CPZ: variants seen among roughly 807,000 people sequenced by gnomAD.
CPZ encodes the protein carboxypeptidase Z.
Under a neutral mutation model 61.8 loss-of-function variants are expected in CPZ, and 103 were observed. The ratio of observed to expected loss-of-function variants is 1.67; its 90% CI spans 1.42 to 1.96. The LOEUF (loss-of-function observed/expected upper bound fraction) is 1.96, where lower values mean the gene tolerates loss of function less well. Among genes scored for constraint, CPZ ranks in the 30% most tolerant of loss-of-function variants. The pLI is 0.00. For synonymous variants in CPZ, 551 were observed against 373.7 expected (o/e 1.47, Z -5.47); for missense variants, 1,461 against 914.9 (o/e 1.60, Z -7.70).
Position 8,605,599 on chromosome 4 carries a change from C to CATCCATCCATCCATCCATCATTGATAT in CPZ, c.710-371_710-370insATTGATATATCCATCCATCCATCCATC, listed in dbSNP as rs1560294148. On this transcript the variant is annotated intron_variant, in intron 4 of 10. Coordinates refer to ENST00000360986, the MANE Select transcript of CPZ (RefSeq NM_001014447.3). ...TCCAGCCATCCAGCCAGCCATTATT[C>CATCCATCCATCCATCCATCATTGATAT]ATCCATCCATCCATCCATCCATCCA... is the stretch of plus-strand genomic sequence containing the variant. 3.7e-3 allele frequency among the ~76,000 whole-genome samples: 332 copies of CATCCATCCATCCATCCATCATTGATAT among 89,102 alleles called. 2 individuals carry two copies. The highest frequency in any genetic ancestry group is 0.027 in the Middle Eastern group (5 of 184). 58.5% of individuals were successfully genotyped at this position (89,102 alleles called of 152,430 possible).
At chr4:8,616,001 T>C (rs928166885) in intron 9 of CPZ, among the ~76,000 whole-genome samples, 7 of 152,218 alleles carry the variant, frequency 4.6e-5, no homozygotes, top group Non-Finnish European at 8.8e-5. Flanking sequence ...CCTGTGCACA[T>C]TGCATTTTGC....
intron 1 of CPZ, 93 bp from the exon 2 acceptor site, chr4:8,599,360 T>A: frequency 1.4e-6 from 2 of 1,444,836 alleles, no homozygotes; most frequent in South Asian, 2.9e-5. Flanking sequence ...CCTGGGCTGG[T>A]CCCTACCTGC....
intron 1 of CPZ, among the ~76,000 whole-genome samples, chr4:8,598,258 G>A (rs575277875): frequency 4.6e-5 from 7 of 152,224 alleles, no homozygotes; most frequent in Non-Finnish European, 7.3e-5. Context: ...GTCCCCAGTG[G>A]GGAAACCCAG....
chr4:8,618,634 G>T, intron 10 of CPZ, 106 bp downstream of exon 10: 2 of 1,074,578 alleles, frequency 1.9e-6, no homozygotes, highest in Non-Finnish European at 2.7e-6. Flanking sequence ...GCCCTCAGCA[G>T]GATGGCTCCA....
chr4:8,615,299 T>C (rs533882606), intron 9 of CPZ, among the ~76,000 whole-genome samples: 87 of 152,256 alleles, frequency 5.7e-4, no homozygotes, highest in African/African-American at 2.0e-3. Flanking sequence ...GAGTGGGGAC[T>C]CTGTGCCCAT....
chr4:8,608,952 G>T (rs187609931), intron 7 of CPZ, among the ~76,000 whole-genome samples: 1 of 144,814 alleles, frequency 6.9e-6, no homozygotes, highest in Non-Finnish European at 1.5e-5. Flanking sequence ...CTGGGCCACC[G>T]GCGCATTTGT....
At chr4:8,594,669 C>G (rs1215146739) in intron 1 of CPZ, among the ~76,000 whole-genome samples, 1 of 152,198 alleles carries the variant, frequency 6.6e-6, no homozygotes, top group East Asian at 1.9e-4. Context: ...CAGACCAGTG[C>G]TGTCCAACAG....
At chr4:8,612,559 G>C (rs1193390682) in intron 8 of CPZ, among the ~76,000 whole-genome samples, 1 of 152,212 alleles carries the variant, frequency 6.6e-6, no homozygotes, top group Non-Finnish European at 1.5e-5. Context: ...TCCAATGCGT[G>C]GGATATGCTT....
intron 9 of CPZ, chr4:8,618,022 C>A (rs1247612643): frequency 4.0e-6 from 1 of 251,602 alleles, no homozygotes; most frequent in African/African-American, 2.2e-5. Context: ...TCCTCGTCCT[C>A]TCCCATGCCC....
At position 8,612,092 on chromosome 4, in the gene CPZ, T is replaced by A; in HGVS notation, c.1293T>A (p.Asn431Lys). 6.2e-7 allele frequency: 1 copy of A among 1,612,982 alleles called. No homozygotes were observed. The highest frequency in any genetic ancestry group is 8.5e-7 in the Non-Finnish European group (1 of 1,179,760). Residue 431 changes from asparagine to lysine, a missense_variant, in exon 8 of 11, where the codon AAT becomes AAA. By Grantham distance (94) the Asn-to-Lys change is moderately conservative. Transcript: ENST00000360986. ...VHPMMMDRSE[N>K]RCGGNFLKRG... ...CCATGATGATGGACAGGTCGGAGAA[T>A]AGGTGTGGAGGCAATTTCCTGAAGA...
intron 7 of CPZ, among the ~76,000 whole-genome samples, chr4:8,609,853 G>T (rs1441409983): frequency 1.3e-5 from 2 of 152,216 alleles, no homozygotes; most frequent in African/African-American, 4.8e-5. Flanking sequence ...TCCCAGGAGA[G>T]GCCTGGGTTT....
At chr4:8,595,357 T>C (rs1051388515) in intron 1 of CPZ, among the ~76,000 whole-genome samples, 1 of 152,202 alleles carries the variant, frequency 6.6e-6, no homozygotes, top group Non-Finnish European at 1.5e-5. Context: ...GGGATGTCTG[T>C]GTCCCACGGT....
intron 8 of CPZ, among the ~76,000 whole-genome samples, chr4:8,613,637 TATC>T (rs1715905455): frequency 6.6e-6 from 1 of 152,210 alleles, no homozygotes; most frequent in South Asian, 2.1e-4. Flanking sequence ...CTGTGGGTGC[TATC>T]ATCCTAGGCC....
At chr4:8,593,767 C>T (rs2109307840) in intron 1 of CPZ, among the ~76,000 whole-genome samples, 2 of 152,244 alleles carry the variant, frequency 1.3e-5, no homozygotes, top group Middle Eastern at 3.4e-3. Context: ...GTGCCAGGAC[C>T]ACAATACCCC....
Position 8,605,353 on chromosome 4 carries a change from T to G in CPZ, c.710-636T>G, listed in dbSNP as rs188542930. 2.4e-3 allele frequency among the ~76,000 whole-genome samples: 327 copies of G among 135,184 alleles called. 3 individuals carry two copies. Among genetic ancestry groups the G allele is most frequent in the African/African-American group, 0.011 (310 of 29,142 alleles). 88.7% of individuals were successfully genotyped at this position (135,184 alleles called of 152,430 possible). On this transcript the variant is annotated intron_variant, in intron 4 of 10. Coordinates refer to ENST00000360986, the MANE Select transcript of CPZ (RefSeq NM_001014447.3). ...ATCCATCCATCCATCCATCCATTTA[T>G]TCATTCAGCCATTACACATCCATCC...
intron 1 of CPZ, chr4:8,597,537 C>G (rs917426370): frequency 2.0e-5 from 3 of 152,266 alleles, no homozygotes; most frequent in Admixed American, 1.3e-4. Context: ...CAGGGGGACT[C>G]AAGCTCCTCT....
chr4:8,600,096 AAGTCAATGACATATGTAAAATGTCT>A, intron 2 of CPZ: 1 of 152,338 alleles, frequency 6.6e-6, no homozygotes, highest in East Asian at 1.9e-4. Flanking sequence ...TCTGGGTACC[AAGTCAATGACATATGTAAAATGTCT>A]ATTTTATTTT....
rs1043614714 is a variant in CPZ, at chr4:8,600,893, G to A, written c.122-230G>A. ...GCCGAGGCTCAGGGCAGCCTGCTGCGGCTGGCTTGCTGGTGGGTAGTTGAA... is the reference window on the plus strand; with the variant it reads ...GCCGAGGCTCAGGGCAGCCTGCTGCAGCTGGCTTGCTGGTGGGTAGTTGAA... On this transcript the variant is annotated intron_variant, in intron 2 of 10. Coordinates refer to ENST00000360986, the MANE Select transcript of CPZ (RefSeq NM_001014447.3). 35 of 1,263,256 alleles carry A rather than the reference G, an allele frequency of 2.8e-5. No homozygotes were observed. In the African/African-American group the frequency reaches 3.7e-4, roughly 13 times the overall value. The allele number at this position is 1,263,256 out of a possible 1,614,324, so 78.3% of individuals were successfully genotyped here. A position where few individuals can be genotyped will look rare whatever the true frequency, so the allele number is the denominator to read the frequency against.
intron 3 of CPZ, chr4:8,603,015 C>T (rs981650353): frequency 1.3e-5 from 2 of 152,366 alleles, no homozygotes; most frequent in African/African-American, 4.8e-5. Flanking sequence ...GGAAGCCAAG[C>T]CCACAGCCCT....
Sources: gnomAD v4.1 joint callset for allele counts (sites outside exome capture counted in the v4.1 genomes callset) on GRCh38, gnomAD v4.1.1 for gene constraint, MANE v1.5 for transcripts, NCBI Gene and HGNC (gene_info 2026-07-23, HGNC 2026-07-21) for gene names.